The following AKAP13 variants were observed in gnomAD, a reference collection of about 807,000 sequenced individuals.
The protein encoded by AKAP13 is A-kinase anchor protein 13.
Under a neutral mutation model 264.5 loss-of-function variants are expected in AKAP13, and 80 were observed. That is an observed-to-expected ratio of 0.30 (90% CI 0.25 to 0.36). The LOEUF (loss-of-function observed/expected upper bound fraction) is 0.36. AKAP13 is among the 10% of genes least tolerant of loss of function. The pLI, the probability that AKAP13 is intolerant of heterozygous loss-of-function variation, is 1.00. For missense variants in AKAP13, 3,712 were observed against 3,435.2 expected (o/e 1.08, Z -2.01); for synonymous variants, 1,380 against 1,250.2 (o/e 1.10, Z -2.19).
rs116967684 is a variant in AKAP13 at position 85,573,949 on chromosome 15, C to T, written c.663-1182C>T. Among the ~76,000 whole-genome samples the T allele has an allele frequency of 9.2e-3, 1,405 of 152,278 alleles. 12 individuals carry two copies. The highest frequency in any genetic ancestry group is 0.037 in the Middle Eastern group (11 of 294). The stretch of plus-strand genomic sequence containing the variant: ...ATGTAGTTTTTTATGCACATTTTCT[C>T]TAATTCTCAAAACAGTGCTTAGATT... On this transcript the variant is annotated intron_variant, in intron 5 of 36. Transcript: ENST00000394518.
chr15:85,394,350 CAG>C (rs2071012920), intron 1 of AKAP13, among the ~76,000 whole-genome samples: 1 of 152,146 alleles, frequency 6.6e-6, no homozygotes, highest in South Asian at 2.1e-4. Context: ...CAACAGAAGA[CAG>C]GGTGGAATGG....
chr15:85,643,026 A>G (rs2151482255), intron 9 of AKAP13, among the ~76,000 whole-genome samples: 1 of 126,580 alleles, frequency 7.9e-6, no homozygotes, highest in African/African-American at 3.2e-5. Flanking sequence ...ACGTGAAAAA[A>G]AAAAAACCTC....
intron 5 of AKAP13, among the ~76,000 whole-genome samples, chr15:85,557,909 C>A (rs1038877607): frequency 3.3e-5 from 5 of 152,184 alleles, no homozygotes; most frequent in African/African-American, 1.2e-4. Flanking sequence ...AGTTGGTTTT[C>A]AGCTTTGCTC....
intron 8 of AKAP13, among the ~76,000 whole-genome samples, chr15:85,601,746 A>G (rs2080087742): frequency 6.6e-6 from 1 of 151,832 alleles, no homozygotes; most frequent in South Asian, 2.1e-4. Flanking sequence ...AAGAGCCCCA[A>G]AGAGCTTTTG....
chr15:85,639,502 A>G, intron 9 of AKAP13, 53 bp downstream of exon 9: 3 of 1,345,956 alleles, frequency 2.2e-6, no homozygotes, highest in Non-Finnish European at 3.2e-6. Flanking sequence ...ACTCTGGCAG[A>G]TCGTTTTATT....
At chr15:85,464,003 C>T (rs2074627725) in intron 1 of AKAP13, among the ~76,000 whole-genome samples, 1 of 152,150 alleles carries the variant, frequency 6.6e-6, no homozygotes, top group African/African-American at 2.4e-5. Flanking sequence ...ATGATTGTTA[C>T]AGTTTTGAAT....
At chr15:85,492,565 A>G (rs886312593) in intron 2 of AKAP13, among the ~76,000 whole-genome samples, 5 of 152,222 alleles carry the variant, frequency 3.3e-5, no homozygotes, top group Non-Finnish European at 7.3e-5. Context: ...ATTTCAGCAT[A>G]TATTTCCTAA....
In AKAP13 at chr15:85,664,549, T is replaced by C; in HGVS notation, c.4800-14T>C. ...CAGAAATAGAATGAATTAACTTTTGTGCCCTATGTTCAGTTTCAGTCTAGA... is the reference window on the plus strand; with the variant it reads ...CAGAAATAGAATGAATTAACTTTTGCGCCCTATGTTCAGTTTCAGTCTAGA... On this transcript the variant is annotated splice_polypyrimidine_tract_variant and intron_variant, in intron 12 of 36. Coordinates refer to ENST00000394518, the MANE Select transcript of AKAP13 (RefSeq NM_007200.5). 6.3e-7 allele frequency: 1 copy of C among 1,586,894 alleles called. No individual in the cohort carries two copies. Among genetic ancestry groups the C allele is most frequent in the Non-Finnish European group, 8.6e-7 (1 of 1,164,398 alleles).
chr15:85,455,867 A>G (rs537332607), intron 1 of AKAP13, among the ~76,000 whole-genome samples: 4 of 152,240 alleles, frequency 2.6e-5, no homozygotes, highest in South Asian at 4.1e-4. Context: ...TTATTCTTAA[A>G]TAATCTTCTT....
intron 2 of AKAP13, among the ~76,000 whole-genome samples, chr15:85,504,702 A>G (rs374166567): frequency 1.1e-5 from 1 of 88,674 alleles, no homozygotes. Context: ...TCCAAAAAAA[A>G]AAAAAAAAAA....
At chr15:85,561,763 A>G (rs2078386161) in intron 5 of AKAP13, among the ~76,000 whole-genome samples, 2 of 152,206 alleles carry the variant, frequency 1.3e-5, no homozygotes, top group South Asian at 4.1e-4. Flanking sequence ...GGACTCATTG[A>G]GAAAGGGAGT....
intron 20 of AKAP13, chr15:85,717,078 CAG>C: frequency 2.1e-6 from 1 of 472,950 alleles, no homozygotes; most frequent in Non-Finnish European, 3.7e-6. Flanking sequence ...AAAAAGTCCT[CAG>C]AATTTGAGTC....
At chr15:85,453,400 C>T (rs1309042570) in intron 1 of AKAP13, among the ~76,000 whole-genome samples, 1 of 152,164 alleles carries the variant, frequency 6.6e-6, no homozygotes, top group East Asian at 1.9e-4. Flanking sequence ...ATACTTGAGG[C>T]CTGCAGCAGT....
At chr15:85,600,811 C>A (rs1358683388) in intron 8 of AKAP13, among the ~76,000 whole-genome samples, 1 of 142,766 alleles carries the variant, frequency 7.0e-6, no homozygotes, top group African/African-American at 2.4e-5. Context: ...TCTTCTGCCA[C>A]GTTTTTACCT....
chr15:85,544,257 A>G (rs1596482754), intron 5 of AKAP13: 1 of 479,736 alleles, frequency 2.1e-6, no homozygotes, highest in East Asian at 5.0e-5. Flanking sequence ...CTGTGGAGGT[A>G]GCATAACATT....
chr15:85,527,573 C>T (rs967589810), intron 3 of AKAP13, among the ~76,000 whole-genome samples: 8 of 152,156 alleles, frequency 5.3e-5, no homozygotes, highest in African/African-American at 9.7e-5. Context: ...TGGAATATAG[C>T]GGAGCACATT....
intron 1 of AKAP13, among the ~76,000 whole-genome samples, chr15:85,443,031 G>A (rs1215747106): frequency 1.3e-5 from 2 of 152,098 alleles, no homozygotes; most frequent in South Asian, 2.1e-4. Flanking sequence ...CACTCAGCTA[G>A]TATGTGGTAG....
intron 17 of AKAP13, chr15:85,702,534 T>G (rs955810892): frequency 6.6e-6 from 1 of 152,070 alleles, no homozygotes; most frequent in East Asian, 1.9e-4. Context: ...GTTAGTCGTT[T>G]ACCTCCTAGG....
Position 85,559,801 on chromosome 15 carries a change from A to ACTG in AKAP13, c.663-15329_663-15327dup, listed in dbSNP as rs551288976. Reference sequence around the variant, plus strand: ...ACTCTCTAGCCTGCACTTACTTCCTACTGTGTGGCCTAACACGCCATAGAC... The same window carrying ACTG: ...ACTCTCTAGCCTGCACTTACTTCCTACTGCTGTGTGGCCTAACACGCCATAGAC... On this transcript the variant is annotated intron_variant, in intron 5 of 36. Transcript: ENST00000394518. Among the ~76,000 whole-genome samples the ACTG allele has an allele frequency of 6.5e-3, 990 of 151,710 alleles. 3 individuals are homozygous for ACTG. Among genetic ancestry groups the ACTG allele is most frequent in the Non-Finnish European group, 0.012 (785 of 67,840 alleles).
Sources: allele counts gnomAD v4.1 joint callset (sites outside exome capture counted in the v4.1 genomes callset), GRCh38; gene constraint gnomAD v4.1.1; transcripts MANE v1.5; gene names NCBI Gene and HGNC (gene_info 2026-07-23, HGNC 2026-07-21).